The following AGMO variants were observed in gnomAD, a reference collection of about 807,000 sequenced individuals.
AGMO encodes glyceryl-ether monooxygenase.
In AGMO, 75 loss-of-function variants were observed where a neutral mutation model predicts 60.2. That is an observed-to-expected ratio of 1.25 (90% CI 1.03 to 1.51). The LOEUF (loss-of-function observed/expected upper bound fraction) is 1.51, where lower values mean the gene tolerates loss of function less well. Among genes scored for constraint, AGMO ranks in the 40% most tolerant of loss-of-function variants. The probability of loss-of-function intolerance (pLI) is 0.00; values close to 1 mark genes in which losing one functional copy is unlikely to be tolerated. For missense variants in AGMO, 763 were observed against 525.5 expected (o/e 1.45, Z -4.42); for synonymous variants, 261 against 177.1 (o/e 1.47, Z -3.76).
Position 15,394,240 on chromosome 7 carries a change from A to G in AGMO, c.610-61T>C, listed in dbSNP as rs1784275963. On this transcript the variant is annotated intron_variant, in intron 5 of 12. Coordinates refer to ENST00000342526, the MANE Select transcript of AGMO (RefSeq NM_001004320.2). Reference sequence around the variant, plus strand: ...TATCATTAAATGTGTGTTAGTATATAAATGCTCACATTAGAAACTCACATA... The same window carrying G: ...TATCATTAAATGTGTGTTAGTATATGAATGCTCACATTAGAAACTCACATA... 2.5e-6 allele frequency: 3 copies of G among 1,187,856 alleles called. No individual in the cohort carries two copies. In the African/African-American group the frequency reaches 4.6e-5, roughly 18 times the overall value. 73.6% of individuals were successfully genotyped at this position (1,187,856 alleles called of 1,614,324 possible). A position where few individuals can be genotyped will look rare whatever the true frequency, so the allele number is the denominator to read the frequency against.
intron 12 of AGMO, among the ~76,000 whole-genome samples, chr7:15,243,865 ACTACTTGATACTTT>A (rs1216147560): frequency 6.6e-6 from 1 of 152,124 alleles, no homozygotes; most frequent in Non-Finnish European, 1.5e-5. Context: ...ACTCTAGGCA[ACTACTTGATACTTT>A]CTAATCATTT....
the AGMO span, among the ~76,000 whole-genome samples, chr7:15,120,979 C>A: frequency 6.6e-6 from 1 of 151,940 alleles, no homozygotes; most frequent in Non-Finnish European, 1.5e-5. Flanking sequence ...CCTTTCTGCC[C>A]ACCCCCAGAC....
chr7:15,337,253 G>C (rs1563094535), intron 12 of AGMO, among the ~76,000 whole-genome samples: 1 of 152,122 alleles, frequency 6.6e-6, no homozygotes, highest in Admixed American at 6.6e-5. Flanking sequence ...CCAAAGACTG[G>C]AATAATGCAG....
the AGMO span, among the ~76,000 whole-genome samples, chr7:15,162,491 G>A: frequency 7.2e-5 from 11 of 152,000 alleles, no homozygotes; most frequent in South Asian, 2.1e-4. Context: ...TCAGGAGTTC[G>A]AGAACAGCCT....
At chr7:15,250,069 G>A (rs768855628) in intron 12 of AGMO, among the ~76,000 whole-genome samples, 14 of 152,164 alleles carry the variant, frequency 9.2e-5, no homozygotes, top group Non-Finnish European at 1.5e-4. Flanking sequence ...TTTAGTAAGT[G>A]TAGTTGAAGC....
intron 3 of AGMO, among the ~76,000 whole-genome samples, chr7:15,520,962 G>A (rs1783967273): frequency 6.6e-6 from 1 of 151,926 alleles, no homozygotes; most frequent in Non-Finnish European, 1.5e-5. Flanking sequence ...ATTAATAAAG[G>A]AGAAAAGTGA....
At chr7:15,548,106 A>C (rs866785236) in intron 2 of AGMO, among the ~76,000 whole-genome samples, 1,756 of 150,848 alleles carry the variant, frequency 0.012, 30 homozygotes, top group African/African-American at 0.036. Flanking sequence ...GCTGACGGTC[A>C]TGTCTGTTAG....
intron 12 of AGMO, among the ~76,000 whole-genome samples, chr7:15,255,959 G>C (rs1013080886): frequency 1.3e-5 from 2 of 152,112 alleles, no homozygotes; most frequent in Admixed American, 1.3e-4. Context: ...TAAGAGAGAA[G>C]AACAGATATC....
intron 12 of AGMO, among the ~76,000 whole-genome samples, chr7:15,229,202 A>G (rs1782177803): frequency 6.6e-6 from 1 of 152,094 alleles, no homozygotes; most frequent in Admixed American, 6.6e-5. Context: ...TTCATTGGAC[A>G]ACAACTCTTC....
chr7:15,469,550 C>A (rs143661088), intron 3 of AGMO, among the ~76,000 whole-genome samples: 2 of 152,110 alleles, frequency 1.3e-5, no homozygotes, highest in African/African-American at 2.4e-5. Context: ...GTGTTCCTCA[C>A]GCCCCATGGC....
chr7:15,226,436 A>T (rs1782084249), intron 12 of AGMO, among the ~76,000 whole-genome samples: 1 of 152,088 alleles, frequency 6.6e-6, no homozygotes, highest in African/African-American at 2.4e-5. Flanking sequence ...TTCTGTGTTG[A>T]TTTCTAATGA....
chr7:15,450,347 G>C (rs936384208), intron 3 of AGMO, among the ~76,000 whole-genome samples: 2 of 151,530 alleles, frequency 1.3e-5, no homozygotes, highest in African/African-American at 4.9e-5. Flanking sequence ...ATGAACCCAG[G>C]GGGCAGAGCT....
At chr7:15,348,969 A>T (rs1782132388) in intron 12 of AGMO, among the ~76,000 whole-genome samples, 1 of 152,176 alleles carries the variant, frequency 6.6e-6, no homozygotes, top group Non-Finnish European at 1.5e-5. Context: ...CATTTTGATT[A>T]AACACTTCCA....
intron 3 of AGMO, among the ~76,000 whole-genome samples, chr7:15,531,664 T>A (rs180729930): frequency 0.023 from 2,949 of 130,828 alleles, 111 homozygotes; most frequent in Non-Finnish European, 0.033. Flanking sequence ...ATATATATAT[T>A]TTTTTAGAGG....
chr7:15,219,357 G>T (rs575451564), intron 12 of AGMO, among the ~76,000 whole-genome samples: 1 of 152,122 alleles, frequency 6.6e-6, no homozygotes, highest in Non-Finnish European at 1.5e-5. Flanking sequence ...AAGTATTTAT[G>T]AATGGATGAT....
At chr7:15,481,568 T>A (rs558743004) in intron 3 of AGMO, among the ~76,000 whole-genome samples, 1 of 152,106 alleles carries the variant, frequency 6.6e-6, no homozygotes, top group South Asian at 2.1e-4. Context: ...TCAAAATGTA[T>A]AAGCAAAAAG....
chr7:15,407,163 C>G (rs1784726690), intron 5 of AGMO, among the ~76,000 whole-genome samples: 1 of 144,418 alleles, frequency 6.9e-6, no homozygotes, highest in South Asian at 2.2e-4. Flanking sequence ...TATATGTGAT[C>G]CTAAAATTGT....
chr7:15,365,070 A>G (rs1288515441), intron 12 of AGMO, among the ~76,000 whole-genome samples: 1 of 152,030 alleles, frequency 6.6e-6, no homozygotes, highest in Non-Finnish European at 1.5e-5. Flanking sequence ...CACTGACTTC[A>G]GTGACTTTAT....
At chr7:15,536,356 G>T (rs1375905159) in intron 3 of AGMO, among the ~76,000 whole-genome samples, 4 of 151,730 alleles carry the variant, frequency 2.6e-5, no homozygotes, top group Non-Finnish European at 5.9e-5. Context: ...AATGATACTT[G>T]AAATTTAATT....
Sources: allele counts gnomAD v4.1 joint callset (sites outside exome capture counted in the v4.1 genomes callset), GRCh38; gene constraint gnomAD v4.1.1; transcripts MANE v1.5; gene names NCBI Gene and HGNC (gene_info 2026-07-23, HGNC 2026-07-21).